CASR: variants seen among roughly 807,000 people sequenced by gnomAD.
CASR encodes the protein calcium sensing receptor.
CASR carries 23 observed loss-of-function variants against 69.1 expected under a neutral mutation model. The observed-to-expected ratio is 0.33, with a 90% CI of 0.24 to 0.47. CASR has a LOEUF of 0.47. CASR is among the 20% of genes least tolerant of loss of function. The pLI is 1.00. For missense variants in CASR, 924 were observed against 1,356.1 expected (o/e 0.68, Z 5.00); for synonymous variants, 541 against 544.7 (o/e 0.99, Z 0.10).
chr3:122,214,643 A>G (rs2074098745), intron 1 of CASR, among the ~76,000 whole-genome samples: 1 of 152,210 alleles, frequency 6.6e-6, no homozygotes, highest in African/African-American at 2.4e-5. Flanking sequence ...CTCAATTGTC[A>G]TTCATTTTGT....
rs1291518439 is a variant in CASR at position 122,290,637 on chromosome 3, A to T, written c.*5446A>T. 4 of 152,228 alleles carry T rather than the reference A, an allele frequency of 2.6e-5. No individual in the cohort carries two copies. The highest frequency in any genetic ancestry group is 2.0e-4 in the Admixed American group (3 of 15,290). The allele number at this position is 152,228 out of a possible 1,614,324, so 9.4% of individuals were successfully genotyped here. A position where few individuals can be genotyped will look rare whatever the true frequency, so the allele number is the denominator to read the frequency against. On this transcript the variant is annotated 3_prime_UTR_variant, in exon 7 of 7. Coordinates refer to ENST00000639785, the MANE Select transcript of CASR (RefSeq NM_000388.4). ...AAAATAAAGAAAAGAATTTAAAATA[A>T]ACATGCAACCAAATTTTAAACAGAT...
rs387907400 is a variant in CASR at position 122,262,244 on chromosome 3, T to C, written c.1209T>C (p.Ser403=). The C allele has an allele frequency of 6.2e-7, 1 of 1,614,158 alleles. No homozygotes were observed. The change falls in exon 4 of 7, where the codon AGT becomes AGC. Residue 403 remains serine, a synonymous_variant. Transcript: ENST00000639785. ...GTACAGGGGATGAGAACATCAGCAGTGTCGAGACCCCTTACATAGATTACA... is the reference window on the plus strand; with the variant it reads ...GTACAGGGGATGAGAACATCAGCAGCGTCGAGACCCCTTACATAGATTACA... ...PLCTGDENIS[S]VETPYIDYTH... is the part of the protein sequence containing the mutation.
chr3:122,193,155 T>C (rs1323453137), intron 1 of CASR, among the ~76,000 whole-genome samples: 1 of 151,994 alleles, frequency 6.6e-6, no homozygotes, highest in Non-Finnish European at 1.5e-5. Flanking sequence ...ACCTTTTTTT[T>C]TCATATTATC....
chr3:122,196,177 G>A (rs2073887066), intron 1 of CASR, among the ~76,000 whole-genome samples: 2 of 152,232 alleles, frequency 1.3e-5, no homozygotes, highest in South Asian at 2.1e-4. Flanking sequence ...TAGTGACATA[G>A]AAATGTGTTC....
chr3:122,201,056 T>C (rs191642955), intron 1 of CASR, among the ~76,000 whole-genome samples: 55 of 149,946 alleles, frequency 3.7e-4, no homozygotes, highest in African/African-American at 1.4e-3. Context: ...AGAGGGGGAT[T>C]TGGCAGGGTC....
chr3:122,219,042 G>A (rs952423537), intron 1 of CASR, among the ~76,000 whole-genome samples: 14 of 152,166 alleles, frequency 9.2e-5, no homozygotes, highest in African/African-American at 2.7e-4. Context: ...TAGGGTGGCC[G>A]GAAATAGTGA....
At chr3:122,191,783 G>T (rs1482012091) in intron 1 of CASR, among the ~76,000 whole-genome samples, 1 of 152,240 alleles carries the variant, frequency 6.6e-6, no homozygotes, top group Non-Finnish European at 1.5e-5. Context: ...GCCAAAGGTT[G>T]TAATGGTTTT....
rs537767625 is a variant in CASR at position 122,291,256 on chromosome 3, G to A, written c.*6065G>A. On this transcript the variant is annotated 3_prime_UTR_variant, in exon 7 of 7. Transcript: ENST00000639785. Reference sequence around the variant, plus strand: ...TTGGGTATATACCCAGTAATGGGATGGCTGGGTCAAATGGTATTTCTAGTT... The same window carrying A: ...TTGGGTATATACCCAGTAATGGGATAGCTGGGTCAAATGGTATTTCTAGTT... 1.6e-4 allele frequency: 24 copies of A among 151,668 alleles called. No individual in the cohort carries two copies. The highest frequency in any genetic ancestry group is 5.6e-4 in the African/African-American group (23 of 41,338). The allele number at this position is 151,668 out of a possible 1,614,324, so 9.4% of individuals were successfully genotyped here.
At chr3:122,217,046 A>G (rs1170234010) in intron 1 of CASR, among the ~76,000 whole-genome samples, 4 of 152,238 alleles carry the variant, frequency 2.6e-5, no homozygotes, top group Non-Finnish European at 5.9e-5. Context: ...ACAGTAAACA[A>G]ATAACTATAG....
At chr3:122,224,163 T>C (rs1228068077) in intron 1 of CASR, among the ~76,000 whole-genome samples, 1 of 152,164 alleles carries the variant, frequency 6.6e-6, no homozygotes, top group Admixed American at 6.5e-5. Context: ...ACCACTCCTA[T>C]TCAGCATAAT....
chr3:122,271,897 C>T (rs1451388901), intron 4 of CASR, among the ~76,000 whole-genome samples: 1 of 152,140 alleles, frequency 6.6e-6, no homozygotes, highest in East Asian at 1.9e-4. Flanking sequence ...CATATTGTAA[C>T]ATGTATCAGT....
intron 1 of CASR, among the ~76,000 whole-genome samples, chr3:122,234,755 G>A (rs1163409140): frequency 6.6e-6 from 1 of 152,190 alleles, no homozygotes; most frequent in Non-Finnish European, 1.5e-5. Context: ...TCAAAGTCAG[G>A]TTTATAGAAA....
chr3:122,266,747 A>C (rs1312698753), intron 4 of CASR, among the ~76,000 whole-genome samples: 1 of 152,154 alleles, frequency 6.6e-6, no homozygotes, highest in Non-Finnish European at 1.5e-5. Context: ...GCTCACACCT[A>C]TAGTCTCAAC....
chr3:122,260,435 G>T (rs1438750336), intron 3 of CASR, among the ~76,000 whole-genome samples: 1 of 152,160 alleles, frequency 6.6e-6, no homozygotes. Context: ...GCTTCTCCAG[G>T]GTTCCTGTTC....
Position 122,254,152 on chromosome 3 carries a change from A to T in CASR, c.-38A>T, listed in dbSNP as rs1279082625. 1.9e-6 allele frequency: 3 copies of T among 1,606,788 alleles called. No homozygotes were observed. The South Asian group carries it at 3.3e-5, about 18-fold the overall frequency. On this transcript the variant is annotated 5_prime_UTR_variant, in exon 2 of 7. Coordinates refer to ENST00000639785, the MANE Select transcript of CASR (RefSeq NM_000388.4). Reference sequence around the variant, plus strand: ...AACTTCTGGGAGCCTCCAAACTCCTAGCTGTCTCATCCCTTGCCCTGGAGA... The same window carrying T: ...AACTTCTGGGAGCCTCCAAACTCCTTGCTGTCTCATCCCTTGCCCTGGAGA...
At chr3:122,264,701 G>A (rs1455397412) in intron 4 of CASR, among the ~76,000 whole-genome samples, 2 of 152,172 alleles carry the variant, frequency 1.3e-5, no homozygotes, top group Non-Finnish European at 2.9e-5. Context: ...TGGCCAAAAT[G>A]TCCTGAGTGC....
intron 1 of CASR, among the ~76,000 whole-genome samples, chr3:122,242,570 G>A (rs920340053): frequency 2.0e-5 from 3 of 152,100 alleles, no homozygotes; most frequent in African/African-American, 7.2e-5. Context: ...TGGATTGGAA[G>A]AATCAGTATT....
intron 1 of CASR, among the ~76,000 whole-genome samples, chr3:122,193,549 C>A (rs528094344): frequency 6.6e-6 from 1 of 152,168 alleles, no homozygotes; most frequent in South Asian, 2.1e-4. Context: ...TGCTTTTATT[C>A]CTAGAAATAG....
chr3:122,219,940 C>T (rs2074154716), intron 1 of CASR, among the ~76,000 whole-genome samples: 1 of 152,174 alleles, frequency 6.6e-6, no homozygotes, highest in Admixed American at 6.5e-5. Context: ...GCCATTTCAA[C>T]ATTATTTTCC....
Sources: allele counts gnomAD v4.1 joint callset (sites outside exome capture counted in the v4.1 genomes callset), GRCh38; gene constraint gnomAD v4.1.1; transcripts MANE v1.5; gene names NCBI Gene and HGNC (gene_info 2026-07-23, HGNC 2026-07-21).